The following PTGIS variants were observed in gnomAD, a reference collection of about 807,000 sequenced individuals.
The protein encoded by PTGIS is prostaglandin I2 synthase.
A neutral mutation model predicts 50.3 loss-of-function variants in PTGIS; 45 were observed. The ratio of observed to expected loss-of-function variants is 0.90; its 90% CI spans 0.70 to 1.15. PTGIS has a LOEUF of 1.15. Ranked by LOEUF, PTGIS falls within the 50% of genes most tolerant of loss-of-function variation. The probability of loss-of-function intolerance (pLI) is 0.00; values close to 1 mark genes in which losing one functional copy is unlikely to be tolerated. For synonymous variants in PTGIS, 260 were observed against 267.7 expected, an observed-to-expected ratio of 0.97 and a Z score of 0.28; for missense variants, 668 against 661.3, an observed-to-expected ratio of 1.01 and a Z score of -0.11.
rs544050905 is a variant in PTGIS at position 49,541,281 on chromosome 20, C to A, written c.522-1560G>T. On this transcript the variant is annotated intron_variant, in intron 4 of 9. Coordinates refer to ENST00000244043, the MANE Select transcript of PTGIS (RefSeq NM_000961.4). The stretch of plus-strand genomic sequence containing the variant: ...TTTAGACAGACACGTGCTTGCCAGG[C>A]CACTGCGGTACTCCCAAGGCCCTGT... 7.2e-5 allele frequency among the ~76,000 whole-genome samples: 11 copies of A among 152,018 alleles called. No individual in the cohort carries two copies. The South Asian group carries it at 1.9e-3, about 26-fold the overall frequency.
At chr20:49,556,937 A>C (rs1042233396) in intron 1 of PTGIS, among the ~76,000 whole-genome samples, 1 of 152,118 alleles carries the variant, frequency 6.6e-6, no homozygotes, top group East Asian at 1.9e-4. Flanking sequence ...CTTTTCTTAA[A>C]GCCCTATAAA....
intron 1 of PTGIS, among the ~76,000 whole-genome samples, chr20:49,552,241 A>ACT (rs1276805947): frequency 6.6e-6 from 1 of 152,128 alleles, no homozygotes; most frequent in Non-Finnish European, 1.5e-5. Flanking sequence ...ATACTTAGAG[A>ACT]AATGCTTTTG....
intron 7 of PTGIS, among the ~76,000 whole-genome samples, chr20:49,513,965 C>T (rs1981399895): frequency 2.6e-5 from 4 of 152,226 alleles, no homozygotes; most frequent in Admixed American, 2.6e-4. Flanking sequence ...GTGCCTGAAG[C>T]CAATCCTCTG....
chr20:49,530,303 C>A (rs997086390), intron 5 of PTGIS, among the ~76,000 whole-genome samples: 1 of 152,102 alleles, frequency 6.6e-6, no homozygotes, highest in South Asian at 2.1e-4. Context: ...GCCATTGTAC[C>A]ACTATCTCTG....
At chr20:49,524,524 G>A (rs573463821) in intron 5 of PTGIS, among the ~76,000 whole-genome samples, 16 of 152,260 alleles carry the variant, frequency 1.1e-4, no homozygotes, top group Non-Finnish European at 1.8e-4. Flanking sequence ...CCCATCACCC[G>A]GCCCGTAGCA....
At chr20:49,522,885 G>T (rs1343008740) in intron 6 of PTGIS, among the ~76,000 whole-genome samples, 2 of 151,890 alleles carry the variant, frequency 1.3e-5, no homozygotes, top group African/African-American at 4.9e-5. Flanking sequence ...TTAGCTGGAC[G>T]TGGTGGCATG....
At chr20:49,513,547 A>T (rs998901619) in intron 7 of PTGIS, among the ~76,000 whole-genome samples, 4 of 152,102 alleles carry the variant, frequency 2.6e-5, no homozygotes, top group African/African-American at 9.7e-5. Context: ...GAGTAGGGCC[A>T]TCAATCTCTG....
chr20:49,533,844 C>T (rs971261456), intron 5 of PTGIS, among the ~76,000 whole-genome samples: 2 of 152,008 alleles, frequency 1.3e-5, no homozygotes, highest in African/African-American at 4.8e-5. Flanking sequence ...GCCTGTAATC[C>T]CAGCTACTCG....
intron 8 of PTGIS, among the ~76,000 whole-genome samples, chr20:49,512,098 C>T (rs996778441): frequency 1.1e-4 from 16 of 144,404 alleles, no homozygotes; most frequent in African/African-American, 3.1e-4. Context: ...AATGGACAGA[C>T]GGATGGATAG....
intron 5 of PTGIS, among the ~76,000 whole-genome samples, chr20:49,531,877 T>C (rs1981943847): frequency 6.6e-6 from 1 of 152,210 alleles, no homozygotes; most frequent in South Asian, 2.1e-4. Flanking sequence ...GTGATTCTCC[T>C]GCCTTGGCCT....
At position 49,507,788 on chromosome 20, in the gene PTGIS, G is replaced by T; in HGVS notation, c.*132C>A. 7.9e-7 allele frequency: 1 copy of T among 1,260,912 alleles called. No homozygotes were observed. Among genetic ancestry groups the T allele is most frequent in the Non-Finnish European group, 1.1e-6 (1 of 894,618 alleles). The allele number at this position is 1,260,912 out of a possible 1,614,324, so 78.1% of individuals were successfully genotyped here. On this transcript the variant is annotated 3_prime_UTR_variant, in exon 10 of 10. Coordinates refer to ENST00000244043, the MANE Select transcript of PTGIS (RefSeq NM_000961.4). ...TTCCCTCCCCTGGACCCAGCCTTCT[G>T]GGAGAAAAGCAGGGAAGTGGTAATG...
rs756175978 is a variant in PTGIS, at chr20:49,550,197, A to G, written c.75-8T>C. On this transcript the variant is annotated splice_region_variant and splice_polypyrimidine_tract_variant and intron_variant, in intron 1 of 9. Transcript: ENST00000244043. Reference sequence around the variant, plus strand: ...GGAGGCTCACCAGGTCGCCTACAGAAGCCATGGCACTTGTCACCATTTGAT... The same window carrying G: ...GGAGGCTCACCAGGTCGCCTACAGAGGCCATGGCACTTGTCACCATTTGAT... 1.9e-6 allele frequency: 3 copies of G among 1,611,778 alleles called. No homozygotes were observed. In the South Asian group the frequency reaches 3.3e-5, roughly 18 times the overall value.
intron 6 of PTGIS, among the ~76,000 whole-genome samples, chr20:49,523,792 A>G (rs1230737013): frequency 4.6e-5 from 7 of 152,210 alleles, no homozygotes; most frequent in Non-Finnish European, 7.3e-5. Flanking sequence ...AGAAAAAAAA[A>G]GAAAAGAATA....
chr20:49,514,320 C>T lies in PTGIS; in HGVS notation c.931G>A (p.Gly311Arg), dbSNP rs561823415. ...KNPEALAAVRGELESILWQAE... is the reference protein window; with the variant it reads ...KNPEALAAVRRELESILWQAE... ...TGCCAAAGGATACTCTCGAGCTCTC[C>T]GCGGACAGCAGCCAGGGCTTCAGGA... Residue 311 changes from glycine to arginine, a missense_variant, in exon 7 of 10, where the codon GGA becomes AGA. Transcript: ENST00000244043. 2.4e-5 allele frequency: 38 copies of T among 1,614,072 alleles called. No individual in the cohort carries two copies. The highest frequency in any genetic ancestry group is 1.5e-4 in the South Asian group (14 of 91,072).
chr20:49,549,236 G>C (rs1982443715), intron 2 of PTGIS, among the ~76,000 whole-genome samples: 1 of 152,132 alleles, frequency 6.6e-6, no homozygotes, highest in Admixed American at 6.6e-5. Context: ...ATCTATGGAT[G>C]CTCAAGTCCT....
rs1255392275 is a variant in PTGIS, at chr20:49,544,294, C to T, written c.521+11G>A. ...GGCCCCAGCAGGAGGGTGGGGGCTG[C>T]ACAGCCTCACCTGAGCAGGAAGCTG... is the stretch of plus-strand genomic sequence containing the variant. On this transcript the variant is annotated intron_variant, in intron 4 of 9. Coordinates refer to ENST00000244043, the MANE Select transcript of PTGIS (RefSeq NM_000961.4). 2 of 1,613,978 alleles carry T rather than the reference C, an allele frequency of 1.2e-6. No individual in the cohort carries two copies. The highest frequency in any genetic ancestry group is 2.2e-5 in the South Asian group (2 of 91,070).
rs530222208 is a variant in PTGIS, at chr20:49,531,092, G to A, written c.674-6853C>T. ...GAATTTTTGGTATTGAGTTGTATGA[G>A]TTCCTTATCTATTTTGGATGTTAAC... On this transcript the variant is annotated intron_variant, in intron 5 of 9. Transcript: ENST00000244043. 3.3e-5 allele frequency among the ~76,000 whole-genome samples: 5 copies of A among 152,224 alleles called. No individual in the cohort carries two copies. In the East Asian group the frequency reaches 9.6e-4, roughly 29 times the overall value.
At position 49,547,634 on chromosome 20, in the gene PTGIS, CA is replaced by C. The variant is rs1335173855; in HGVS notation, c.377+206del. Among the ~76,000 whole-genome samples the C allele has an allele frequency of 4.6e-5, 7 of 151,906 alleles. No homozygotes were observed. In the East Asian group the frequency reaches 1.4e-3, roughly 29 times the overall value. ...ACAAACAAACAAACAAACAAACAAA[CA>C]AAAAAACCCGCCAGAGATGAGAGAC... On this transcript the variant is annotated intron_variant, in intron 3 of 9. Coordinates refer to ENST00000244043, the MANE Select transcript of PTGIS (RefSeq NM_000961.4).
At chr20:49,557,745 A>G (rs1982652875) in intron 1 of PTGIS, among the ~76,000 whole-genome samples, 1 of 152,218 alleles carries the variant, frequency 6.6e-6, no homozygotes, top group Middle Eastern at 3.2e-3. Flanking sequence ...TAAAAGTTTC[A>G]GTATCTCCAT....
Sources: gnomAD v4.1 joint callset for allele counts (sites outside exome capture counted in the v4.1 genomes callset) on GRCh38, gnomAD v4.1.1 for gene constraint, MANE v1.5 for transcripts, NCBI Gene and HGNC (gene_info 2026-07-23, HGNC 2026-07-21) for gene names.